Variants in SLC41A1 observed in about 807,000 individuals in gnomAD.
SLC41A1 encodes solute carrier family 41 member 1, also known as solute carrier family 41 (magnesium transporter), member 1.
SLC41A1 carries 20 observed loss-of-function variants against 47.3 expected under a neutral mutation model. The observed-to-expected ratio is 0.42, with a 90% CI of 0.30 to 0.61. The LOEUF is 0.61. SLC41A1 is among the 20% of genes least tolerant of loss of function. The pLI, the probability that SLC41A1 is intolerant of heterozygous loss-of-function variation, is 0.17. For missense variants in SLC41A1, 504 were observed against 674.1 expected, an observed-to-expected ratio of 0.75 and a Z score of 2.79; for synonymous variants, 282 against 272.7, an observed-to-expected ratio of 1.03 and a Z score of -0.34.
Position 205,810,063 on chromosome 1 carries a change from G to T in SLC41A1, c.372+7C>A, listed in dbSNP as rs1179680322. On this transcript the variant is annotated splice_region_variant and intron_variant, in intron 2 of 10. Coordinates refer to ENST00000367137, the MANE Select transcript of SLC41A1 (RefSeq NM_173854.6). The surrounding 1 kb of genome is among the most constrained non-coding windows in gnomAD (Gnocchi z 5.5). ...CACAGTCAAGAGCTGCCCTACTCAG[G>T]TCCTACCTGCACGATGTCCAACACC... 3 of 1,614,068 alleles carry T rather than the reference G, an allele frequency of 1.9e-6. No individual in the cohort carries two copies. The highest frequency in any genetic ancestry group is 4.5e-5 in the East Asian group (2 of 44,886).
intron 6 of SLC41A1, among the ~76,000 whole-genome samples, chr1:205,798,299 G>C (rs1655795059): frequency 6.6e-6 from 1 of 152,190 alleles, no homozygotes; most frequent in Non-Finnish European, 1.5e-5. Flanking sequence ...ACAGAGACCA[G>C]AGGACAGAGA....
chr1:205,798,091 TCCCTA>T (rs1300828622), intron 6 of SLC41A1, 40 bp from the exon 7 acceptor site: 2 of 1,613,916 alleles, frequency 1.2e-6, no homozygotes, highest in South Asian at 2.2e-5. Context: ...GCACTGTGTT[TCCCTA>T]CCCTAAGTTT....
intron 8 of SLC41A1, 152 bp downstream of exon 8, chr1:205,796,772 A>C: frequency 1.3e-6 from 1 of 763,658 alleles, no homozygotes. Flanking sequence ...CACCTCTGTA[A>C]GCAGTCCCTT....
intron 4 of SLC41A1, 108 bp downstream of exon 4, chr1:205,799,651 G>C: frequency 8.0e-7 from 1 of 1,247,138 alleles, no homozygotes; most frequent in Non-Finnish European, 1.2e-6. Flanking sequence ...CCAGCTCAGT[G>C]GGATACTGGA....
intron 2 of SLC41A1, among the ~76,000 whole-genome samples, chr1:205,808,720 T>G (rs781260120): frequency 6.6e-6 from 1 of 152,190 alleles, no homozygotes; most frequent in Non-Finnish European, 1.5e-5. Context: ...CCAACCTCCA[T>G]GTAGGAACAA....
In SLC41A1 at chr1:205,799,104, G is replaced by A; in HGVS notation, c.553-3C>T. 1 of 1,611,734 alleles carries A rather than the reference G, an allele frequency of 6.2e-7. No individual in the cohort carries two copies. The highest frequency in any genetic ancestry group is 8.5e-7 in the Non-Finnish European group (1 of 1,179,878). The stretch of plus-strand genomic sequence containing the variant: ...AAGCCCACCACCGTGGCCTGCACCT[G>A]GGGACAGGAGTGGTAACTCAGAAAG... On this transcript the variant is annotated splice_region_variant and splice_polypyrimidine_tract_variant and intron_variant, in intron 4 of 10. Transcript: ENST00000367137.
intron 2 of SLC41A1, among the ~76,000 whole-genome samples, chr1:205,806,177 G>A (rs892733936): frequency 2.6e-5 from 4 of 152,214 alleles, no homozygotes; most frequent in African/African-American, 4.8e-5. Context: ...GACAAAGCAG[G>A]AGCAAAGCAA....
intron 2 of SLC41A1, chr1:205,801,477 A>G: frequency 3.4e-6 from 1 of 291,740 alleles, no homozygotes; most frequent in Non-Finnish European, 6.7e-6. Context: ...CTGTTGTCTC[A>G]GCTGTGAAGA....
chr1:205,797,124 G>A lies in SLC41A1; in HGVS notation c.993-121C>T, dbSNP rs886744062. 6.9e-6 allele frequency: 6 copies of A among 866,932 alleles called. No individual in the cohort carries two copies. The African/African-American group carries it at 1.0e-4, about 14-fold the overall frequency. 53.7% of individuals were successfully genotyped at this position (866,932 alleles called of 1,614,324 possible). ...TGAAGGGAAGCACCATGGCTCTCAG[G>A]AGTTCCTCACCATCCAGTCCTTGCC... On this transcript the variant is annotated intron_variant, in intron 7 of 10. Transcript: ENST00000367137.
chr1:205,797,863 T>C (rs765711872), intron 7 of SLC41A1, 41 bp downstream of exon 7: 7 of 1,612,742 alleles, frequency 4.3e-6, no homozygotes, highest in Admixed American at 1.7e-5. Context: ...TGTGGAAGGG[T>C]TGGAGTGGGG....
intron 8 of SLC41A1, chr1:205,796,627 C>G (rs990554798): frequency 2.2e-6 from 1 of 453,778 alleles, no homozygotes; most frequent in African/African-American, 2.0e-5. Context: ...ATAAATTAGC[C>G]AGTTTCAAGT....
rs376056560 is a variant in SLC41A1, at chr1:205,798,754, C to T, written c.759G>A (p.Val253=). 106 of 1,614,000 alleles carry T rather than the reference C, an allele frequency of 6.6e-5. No individual in the cohort carries two copies. Among genetic ancestry groups the T allele is most frequent in the Non-Finnish European group, 8.2e-5 (97 of 1,180,042 alleles). The change falls in exon 6 of 11, where the codon GTG becomes GTA. Residue 253 remains valine (V), a synonymous_variant. Transcript: ENST00000367137. ...SRKIGINPDN[V]ATPIAASLGD... ...CCAGGCTGGCAGCAATGGGTGTGGCCACGTTGTCTGGGTTGATCCCAATCT... is the reference window on the plus strand; with the variant it reads ...CCAGGCTGGCAGCAATGGGTGTGGCTACGTTGTCTGGGTTGATCCCAATCT...
intron 9 of SLC41A1, 123 bp downstream of exon 9, chr1:205,795,221 G>C: frequency 6.5e-7 from 1 of 1,527,054 alleles, no homozygotes; most frequent in Non-Finnish European, 9.0e-7. Flanking sequence ...CTTCAGAACA[G>C]CTGGCACAGC....
At chr1:205,809,822 C>T (rs1571652545) in intron 2 of SLC41A1, among the ~76,000 whole-genome samples, 1 of 152,142 alleles carries the variant, frequency 6.6e-6, no homozygotes, top group African/African-American at 2.4e-5. Context: ...AGCCTGAGCT[C>T]GGGAGCCAAT....
chr1:205,805,600 G>T (rs758466934), intron 2 of SLC41A1, among the ~76,000 whole-genome samples: 2 of 152,098 alleles, frequency 1.3e-5, no homozygotes, highest in Non-Finnish European at 2.9e-5. Context: ...TGGAGGTGAG[G>T]GGAGCATCTA....
At chr1:205,794,135 C>T (rs1380220108) in intron 10 of SLC41A1, among the ~76,000 whole-genome samples, 2 of 102,764 alleles carry the variant, frequency 1.9e-5, no homozygotes, top group East Asian at 3.2e-4. Context: ...CTGCATAGAA[C>T]GAACACACAC....
At chr1:205,807,960 GT>G (rs113940724) in intron 2 of SLC41A1, among the ~76,000 whole-genome samples, 1,594 of 142,276 alleles carry the variant, frequency 0.011, 20 homozygotes, top group African/African-American at 0.036. Context: ...CCCAGCCAGA[GT>G]TTTTTTTTTT....
chr1:205,805,573 G>C (rs1200342250), intron 2 of SLC41A1, among the ~76,000 whole-genome samples: 2 of 152,186 alleles, frequency 1.3e-5, no homozygotes, highest in Non-Finnish European at 2.9e-5. Context: ...GCATGTTCCA[G>C]GAAGTGCTGC....
intron 10 of SLC41A1, among the ~76,000 whole-genome samples, chr1:205,793,386 G>T (rs536377404): frequency 7.2e-5 from 11 of 152,300 alleles, no homozygotes; most frequent in African/African-American, 2.6e-4. Flanking sequence ...TCAGGCCAAG[G>T]GATGAGCTGA....
Sources: allele counts gnomAD v4.1 joint callset (sites outside exome capture counted in the v4.1 genomes callset), GRCh38; gene constraint gnomAD v4.1.1; non-coding constraint Gnocchi (gnomAD v3.1); transcripts MANE v1.5; gene names NCBI Gene and HGNC (gene_info 2026-07-23, HGNC 2026-07-21).